The following NIBAN1 variants were observed in gnomAD, a reference collection of about 807,000 sequenced individuals.
NIBAN1 encodes the protein protein Niban 1.
Under a neutral mutation model 75.1 loss-of-function variants are expected in NIBAN1, and 81 were observed. The ratio of observed to expected loss-of-function variants is 1.08; its 90% CI spans 0.90 to 1.30. NIBAN1 has a LOEUF of 1.30. Among genes scored for constraint, NIBAN1 ranks in the 50% most tolerant of loss-of-function variants. NIBAN1 has a pLI of 0.00. For missense variants in NIBAN1, 1,133 were observed against 1,128.1 expected (o/e 1.00, Z -0.06); for synonymous variants, 436 against 424.8 (o/e 1.03, Z -0.32).
chr1:184,891,488 T>C (rs1488348725), intron 3 of NIBAN1, among the ~76,000 whole-genome samples: 2 of 152,220 alleles, frequency 1.3e-5, no homozygotes, highest in African/African-American at 2.4e-5. Flanking sequence ...TATTACTAGT[T>C]ATAACAGGCC....
chr1:184,795,608 G>A lies in NIBAN1; in HGVS notation c.2156C>T (p.Ser719Phe). The A allele has an allele frequency of 1.9e-6, 3 of 1,614,140 alleles. No homozygotes were observed. Among genetic ancestry groups the A allele is most frequent in the Non-Finnish European group, 2.5e-6 (3 of 1,180,024 alleles). The change falls in exon 14 of 14, where the codon TCC becomes TTC. Residue 719 changes from serine to phenylalanine, a missense_variant. By Grantham distance (155) the Ser-to-Phe change is radical. Coordinates refer to ENST00000367511, the MANE Select transcript of NIBAN1 (RefSeq NM_052966.4). Reference sequence around the variant, plus strand: ...AGCAGAGTCCACTGGTACTTCCACGGACGCTGTCAGCAACTTTCTGAGCGC... The same window carrying A: ...AGCAGAGTCCACTGGTACTTCCACGAACGCTGTCAGCAACTTTCTGAGCGC... ...LKALRKLLTA[S>F]VEVPVDSAPV...
At chr1:184,881,940 C>T (rs1656390315) in intron 5 of NIBAN1, among the ~76,000 whole-genome samples, 1 of 152,134 alleles carries the variant, frequency 6.6e-6, no homozygotes, top group African/African-American at 2.4e-5. Flanking sequence ...ATGCCTTAAC[C>T]ATCTGGGAAT....
In NIBAN1 at chr1:184,805,039, C is replaced by T. The variant is rs1467915943; in HGVS notation, c.1446+907G>A. Among the ~76,000 whole-genome samples, 4 of 152,162 alleles carry T rather than the reference C, an allele frequency of 2.6e-5. No individual in the cohort carries two copies. In the South Asian group the frequency reaches 6.2e-4, roughly 24 times the overall value. On this transcript the variant is annotated intron_variant, in intron 11 of 13. Transcript: ENST00000367511. The stretch of plus-strand genomic sequence containing the variant: ...TCCTGACCTCGTGATCTGCCCGCCT[C>T]GGCCTCCCAAAGTGCTGGGATTACA...
intron 5 of NIBAN1, among the ~76,000 whole-genome samples, chr1:184,857,894 C>T (rs1655719500): frequency 6.6e-6 from 1 of 151,542 alleles, no homozygotes; most frequent in Non-Finnish European, 1.5e-5. Context: ...CATATATAAA[C>T]ATGATTTCCA....
At chr1:184,889,957 AC>A in intron 4 of NIBAN1, 150 bp downstream of exon 4, 1 of 635,230 alleles carries the variant, frequency 1.6e-6, no homozygotes, top group Non-Finnish European at 2.8e-6. Context: ...ATGCCATAGC[AC>A]CCCGATTCCA....
chr1:184,863,561 C>G (rs1655871669), intron 5 of NIBAN1, among the ~76,000 whole-genome samples: 1 of 152,152 alleles, frequency 6.6e-6, no homozygotes. Context: ...TCTAGATTGC[C>G]TACATTTACA....
chr1:184,810,232 T>C (rs1654335867), intron 9 of NIBAN1, among the ~76,000 whole-genome samples: 1 of 152,232 alleles, frequency 6.6e-6, no homozygotes, highest in Non-Finnish European at 1.5e-5. Context: ...ATGTCAAGTA[T>C]AAAACCAAGC....
intron 1 of NIBAN1, among the ~76,000 whole-genome samples, chr1:184,921,223 G>A (rs1170715889): frequency 6.6e-6 from 1 of 152,168 alleles, no homozygotes; most frequent in African/African-American, 2.4e-5. Context: ...CTTGAACCCG[G>A]GAGGCGGAGG....
chr1:184,840,743 C>T (rs1295649902), intron 5 of NIBAN1, among the ~76,000 whole-genome samples: 2 of 150,708 alleles, frequency 1.3e-5, no homozygotes, highest in African/African-American at 2.4e-5. Context: ...CTGTCGGAGA[C>T]ATCCTGTACC....
intron 8 of NIBAN1, 23 bp downstream of exon 8, chr1:184,823,144 G>A: frequency 6.2e-7 from 1 of 1,611,728 alleles, no homozygotes; most frequent in South Asian, 1.1e-5. Context: ...TAATTAGTAA[G>A]AGCATGGATT....
chr1:184,866,646 T>TA (rs972114209), intron 5 of NIBAN1, among the ~76,000 whole-genome samples: 4 of 152,184 alleles, frequency 2.6e-5, no homozygotes, highest in African/African-American at 7.2e-5. Context: ...CCTGACCTGG[T>TA]AAAAAATATA....
intron 1 of NIBAN1, among the ~76,000 whole-genome samples, chr1:184,922,661 C>T (rs181262010): frequency 7.9e-5 from 12 of 152,298 alleles, no homozygotes; most frequent in Non-Finnish European, 1.3e-4. Context: ...GGCTGCAGTG[C>T]AATGGCACAA....
At chr1:184,807,311 G>A (rs143555195) in intron 10 of NIBAN1, among the ~76,000 whole-genome samples, 4 of 133,202 alleles carry the variant, frequency 3.0e-5, no homozygotes, top group Non-Finnish European at 1.5e-5. Context: ...TGGGGAAAAG[G>A]TTCCTTATGA....
chr1:184,805,329 C>T lies in NIBAN1; in HGVS notation c.1446+617G>A, dbSNP rs116145195. ...GTTGAGCTTAATTAAGTCACATTAG[C>T]TTTTACAGAATCAGTTCCTCATCTG... On this transcript the variant is annotated intron_variant, in intron 11 of 13. Transcript: ENST00000367511. Among the ~76,000 whole-genome samples, 641 of 152,318 alleles carry T rather than the reference C, an allele frequency of 4.2e-3. 4 individuals carry two copies. The highest frequency in any genetic ancestry group is 0.015 in the African/African-American group (612 of 41,566).
At chr1:184,904,229 C>G (rs973984124) in intron 1 of NIBAN1, among the ~76,000 whole-genome samples, 3 of 151,746 alleles carry the variant, frequency 2.0e-5, no homozygotes, top group African/African-American at 7.3e-5. Context: ...CAGGGTTTCA[C>G]CATGTTGCCC....
intron 5 of NIBAN1, among the ~76,000 whole-genome samples, chr1:184,863,786 C>A (rs148960921): frequency 1.3e-5 from 2 of 152,170 alleles, no homozygotes; most frequent in African/African-American, 4.8e-5. Context: ...GAGCAGAGAT[C>A]TAGGTATTCA....
intron 1 of NIBAN1, among the ~76,000 whole-genome samples, chr1:184,918,488 C>G (rs145533581): frequency 6.6e-6 from 1 of 152,180 alleles, no homozygotes; most frequent in Non-Finnish European, 1.5e-5. Context: ...CCTCTATCCA[C>G]AGAGCGTTGT....
At chr1:184,918,938 A>G (rs1208494400) in intron 1 of NIBAN1, among the ~76,000 whole-genome samples, 1 of 152,226 alleles carries the variant, frequency 6.6e-6, no homozygotes, top group Non-Finnish European at 1.5e-5. Flanking sequence ...AATAAAGGGA[A>G]TGCACATGGA....
At chr1:184,885,664 C>T (rs935271561) in intron 4 of NIBAN1, among the ~76,000 whole-genome samples, 4 of 152,156 alleles carry the variant, frequency 2.6e-5, no homozygotes, top group African/African-American at 9.7e-5. Flanking sequence ...TGCCAAACAC[C>T]ACTTGCTGTT....
Sources: allele counts gnomAD v4.1 joint callset (sites outside exome capture counted in the v4.1 genomes callset), GRCh38; gene constraint gnomAD v4.1.1; transcripts MANE v1.5; gene names NCBI Gene and HGNC (gene_info 2026-07-23, HGNC 2026-07-21).